The following DENND1A variants were observed in gnomAD, a reference collection of about 807,000 sequenced individuals.
The protein encoded by DENND1A is DENN domain containing 1A, also known as DENN domain-containing protein 1A.
Under a neutral mutation model 113.7 loss-of-function variants are expected in DENND1A, and 51 were observed. That is an observed-to-expected ratio of 0.45 (90% CI 0.36 to 0.57). The LOEUF (loss-of-function observed/expected upper bound fraction) is 0.57, where lower values mean the gene tolerates loss of function less well. DENND1A is among the 20% of genes least tolerant of loss of function. The pLI is 0.00. For missense variants in DENND1A, 1,258 were observed against 1,395.9 expected (o/e 0.90, Z 1.57); for synonymous variants, 565 against 570.8 (o/e 0.99, Z 0.14).
intron 13 of DENND1A, among the ~76,000 whole-genome samples, chr9:123,548,028 T>A (rs897210768): frequency 2.0e-5 from 3 of 152,218 alleles, no homozygotes; most frequent in African/African-American, 7.2e-5. Context: ...AGTCTCAGGA[T>A]GGTGAAGTAA....
chr9:123,568,514 G>T (rs2416907), intron 12 of DENND1A, among the ~76,000 whole-genome samples: 65,633 of 152,034 alleles, frequency 0.43, 14,763 homozygotes, highest in African/African-American at 0.56. Flanking sequence ...GGTTCACAAT[G>T]AACATATTCT....
chr9:123,617,641 G>A (rs1034040031), intron 10 of DENND1A, among the ~76,000 whole-genome samples: 6 of 152,182 alleles, frequency 3.9e-5, no homozygotes, highest in African/African-American at 4.8e-5. Context: ...TTGGCCTACC[G>A]GAAGGCGACA....
At chr9:123,573,651 C>A (rs896180661) in intron 12 of DENND1A, among the ~76,000 whole-genome samples, 2 of 152,098 alleles carry the variant, frequency 1.3e-5, no homozygotes, top group Non-Finnish European at 2.9e-5. Flanking sequence ...CTTTATCCTG[C>A]ACCCTTACTA....
intron 11 of DENND1A, among the ~76,000 whole-genome samples, chr9:123,585,705 A>C (rs1363017747): frequency 1.3e-5 from 2 of 152,236 alleles, no homozygotes; most frequent in African/African-American, 4.8e-5. Flanking sequence ...AGATGCCTTC[A>C]TTCCATCAAT....
chr9:123,414,587 G>T (rs1193009128), intron 19 of DENND1A: 1 of 1,550,450 alleles, frequency 6.4e-7, no homozygotes, highest in East Asian at 2.4e-5. Flanking sequence ...GATTCACAAC[G>T]CCTGTTAGCA....
intron 20 of DENND1A, among the ~76,000 whole-genome samples, chr9:123,408,942 A>T (rs1350818257): frequency 6.6e-6 from 1 of 152,140 alleles, no homozygotes; most frequent in African/African-American, 2.4e-5. Flanking sequence ...CTCGAAGGGG[A>T]ATTCTGAGAG....
chr9:123,792,786 C>T (rs958683247), intron 2 of DENND1A, among the ~76,000 whole-genome samples, 156 bp from the exon 3 acceptor site: 1 of 152,072 alleles, frequency 6.6e-6, no homozygotes, highest in East Asian at 1.9e-4. Flanking sequence ...AGGAAGGACT[C>T]GGCAAGGCAC....
chr9:123,575,645 TAC>T (rs943054421), intron 12 of DENND1A, among the ~76,000 whole-genome samples: 4 of 152,324 alleles, frequency 2.6e-5, no homozygotes, highest in Non-Finnish European at 4.4e-5. Context: ...TTTTTCTCTT[TAC>T]ACACACAGTT....
At position 123,380,662 on chromosome 9, in the gene DENND1A, C is replaced by T. The variant is rs1191551200; in HGVS notation, c.*770G>A. 6.6e-6 allele frequency: 1 copy of T among 152,522 alleles called. No individual in the cohort carries two copies. The highest frequency in any genetic ancestry group is 1.5e-5 in the Non-Finnish European group (1 of 68,060). 9.4% of individuals were successfully genotyped at this position (152,522 alleles called of 1,614,324 possible). Reference sequence around the variant, plus strand: ...ACCTGGAGGTATCAGCGTGCCAGAGCTGGATGAGGGCTGGGGGCTCCTCCC... The same window carrying T: ...ACCTGGAGGTATCAGCGTGCCAGAGTTGGATGAGGGCTGGGGGCTCCTCCC... On this transcript the variant is annotated 3_prime_UTR_variant, in exon 24 of 24. Transcript: ENST00000394215.
intron 12 of DENND1A, among the ~76,000 whole-genome samples, chr9:123,573,501 A>G (rs2058468053): frequency 6.6e-6 from 1 of 152,134 alleles, no homozygotes; most frequent in South Asian, 2.1e-4. Flanking sequence ...CTTTCAGGAT[A>G]CAAATTTTCA....
chr9:123,573,421 CA>C (rs1224033040), intron 12 of DENND1A, among the ~76,000 whole-genome samples: 9 of 152,128 alleles, frequency 5.9e-5, no homozygotes, highest in Non-Finnish European at 8.8e-5. Context: ...TTGAGTCTTC[CA>C]ATCCAAAACA....
At position 123,609,441 on chromosome 9, in the gene DENND1A, T is replaced by C. The variant is rs371474924; in HGVS notation, c.760A>G (p.Met254Val). The C allele has an allele frequency of 1.2e-6, 2 of 1,613,620 alleles. No homozygotes were observed. The highest frequency in any genetic ancestry group is 8.5e-7 in the Non-Finnish European group (1 of 1,179,812). The change falls in exon 11 of 24, where the codon ATG becomes GTG. Residue 254 changes from methionine (M) to valine (V), a missense_variant. Transcript: ENST00000394215. ...PYLIGIHLSL[M>V]EKVRNMALDD... is the part of the protein sequence containing the mutation. ...GAGGAAAGAAGCCAACTTACCTCCA[T>C]TAAACTTAAATGGATTCCTATGAGG...
intron 18 of DENND1A, among the ~76,000 whole-genome samples, chr9:123,446,165 C>T (rs185975165): frequency 2.6e-4 from 39 of 152,358 alleles, no homozygotes; most frequent in South Asian, 2.3e-3. Context: ...GAGGCCTTCC[C>T]GTCTGACTCA....
chr9:123,492,284 G>C (rs979904375), intron 13 of DENND1A, among the ~76,000 whole-genome samples: 1 of 152,252 alleles, frequency 6.6e-6, no homozygotes, highest in Admixed American at 6.5e-5. Flanking sequence ...AAGGAAGAGA[G>C]GGGGTCACTC....
chr9:123,810,569 AC>A (rs1266624316), intron 2 of DENND1A, among the ~76,000 whole-genome samples: 19 of 150,152 alleles, frequency 1.3e-4, no homozygotes, highest in African/African-American at 2.2e-4. Flanking sequence ...AAAAAAAAAA[AC>A]AAACATACTA....
chr9:123,924,985 C>T (rs1191798397), intron 1 of DENND1A, among the ~76,000 whole-genome samples: 3 of 152,226 alleles, frequency 2.0e-5, no homozygotes, highest in Non-Finnish European at 4.4e-5. Flanking sequence ...GGCCTTCCCT[C>T]GCCACTCTAT....
chr9:123,640,570 T>C (rs925748989), intron 9 of DENND1A, among the ~76,000 whole-genome samples: 3 of 152,232 alleles, frequency 2.0e-5, no homozygotes, highest in Admixed American at 6.5e-5. Flanking sequence ...ACGATCCTAA[T>C]ATTCAGAAGT....
chr9:123,840,936 G>A (rs940511976), intron 2 of DENND1A, among the ~76,000 whole-genome samples: 1 of 152,192 alleles, frequency 6.6e-6, no homozygotes, highest in African/African-American at 2.4e-5. Flanking sequence ...ATAGCATGCA[G>A]AATGTTAAGT....
At chr9:123,641,670 T>C (rs909834807) in intron 9 of DENND1A, among the ~76,000 whole-genome samples, 4 of 150,926 alleles carry the variant, frequency 2.7e-5, no homozygotes, top group Admixed American at 6.6e-5. Flanking sequence ...TAAATGAACT[T>C]GATCAGTCTC....
Sources: allele counts gnomAD v4.1 joint callset (sites outside exome capture counted in the v4.1 genomes callset), GRCh38; gene constraint gnomAD v4.1.1; transcripts MANE v1.5; gene names NCBI Gene and HGNC (gene_info 2026-07-23, HGNC 2026-07-21).